GALNT13: variants seen among roughly 807,000 people sequenced by gnomAD.
The protein encoded by GALNT13 is UDP-GalNAc:polypeptide N-acetylgalactosaminyltransferase 13.
In GALNT13, 28 loss-of-function variants were observed where a neutral mutation model predicts 64.2. The observed-to-expected ratio is 0.44, with a 90% CI of 0.32 to 0.60. The LOEUF is 0.60. Ranked by LOEUF, GALNT13 falls within the 20% of genes least tolerant of loss-of-function variation. The pLI is 0.05. For missense variants in GALNT13, 577 were observed against 669.8 expected (o/e 0.86, Z 1.53); for synonymous variants, 214 against 224.6 (o/e 0.95, Z 0.42).
chr2:153,440,108 C>A, the GALNT13 span, among the ~76,000 whole-genome samples: 2 of 152,048 alleles, frequency 1.3e-5, no homozygotes, highest in African/African-American at 4.8e-5. Flanking sequence ...CCTAGCCCCC[C>A]ACCCCCAACA....
At chr2:153,475,483 T>C in the GALNT13 span, among the ~76,000 whole-genome samples, 5 of 152,196 alleles carry the variant, frequency 3.3e-5, no homozygotes, top group African/African-American at 1.2e-4. Context: ...AGGAAAGAGA[T>C]GTGAAGAAAT....
At chr2:153,793,563 C>T in the GALNT13 span, among the ~76,000 whole-genome samples, 7 of 151,812 alleles carry the variant, frequency 4.6e-5, no homozygotes, top group African/African-American at 1.5e-4. Context: ...TGTTCTCTCA[C>T]TTCTGAAATC....
the GALNT13 span, among the ~76,000 whole-genome samples, chr2:153,651,246 G>C: frequency 2.0e-5 from 3 of 152,154 alleles, no homozygotes; most frequent in Non-Finnish European, 4.4e-5. Context: ...CTAGAGAATT[G>C]ATAGGGACCA....
chr2:154,431,483 A>G (rs1700708331), intron 11 of GALNT13, among the ~76,000 whole-genome samples: 1 of 152,232 alleles, frequency 6.6e-6, no homozygotes, highest in Non-Finnish European at 1.5e-5. Flanking sequence ...TATAAAATTA[A>G]TTTAACAGAA....
the GALNT13 span, among the ~76,000 whole-genome samples, chr2:153,555,229 C>T: frequency 1.2e-5 from 1 of 85,464 alleles, no homozygotes; most frequent in African/African-American, 5.1e-5. Context: ...GAGTCTTGCT[C>T]TGTCACCCAG....
the GALNT13 span, among the ~76,000 whole-genome samples, chr2:153,407,086 A>C: frequency 1.3e-5 from 2 of 152,158 alleles, no homozygotes; most frequent in South Asian, 2.1e-4. Flanking sequence ...TTCTATTATC[A>C]GTGTTATTTT....
chr2:154,366,801 A>G (rs747942378), intron 9 of GALNT13, among the ~76,000 whole-genome samples: 1 of 152,196 alleles, frequency 6.6e-6, no homozygotes, highest in Non-Finnish European at 1.5e-5. Flanking sequence ...GGCGGAAAGT[A>G]TAGTTACACA....
chr2:153,622,220 A>T, the GALNT13 span, among the ~76,000 whole-genome samples: 1 of 152,238 alleles, frequency 6.6e-6, no homozygotes, highest in African/African-American at 2.4e-5. Flanking sequence ...TCTCTAACAC[A>T]CACACATACA....
intron 9 of GALNT13, among the ~76,000 whole-genome samples, chr2:154,354,142 G>C (rs965824997): frequency 5.9e-5 from 9 of 152,076 alleles, no homozygotes; most frequent in African/African-American, 2.2e-4. Context: ...GTTTTCATTT[G>C]CATATCCCTG....
intron 3 of GALNT13, among the ~76,000 whole-genome samples, chr2:154,099,491 C>G (rs1247856472): frequency 6.6e-6 from 1 of 152,002 alleles, no homozygotes; most frequent in Non-Finnish European, 1.5e-5. Flanking sequence ...AATTATTTAC[C>G]TAGTCCAACA....
chr2:153,654,418 T>C, the GALNT13 span, among the ~76,000 whole-genome samples: 2 of 152,076 alleles, frequency 1.3e-5, no homozygotes, highest in African/African-American at 2.4e-5. Flanking sequence ...GATAATGTCA[T>C]TGTGGTTATG....
the GALNT13 span, among the ~76,000 whole-genome samples, chr2:153,814,434 C>T: frequency 2.0e-5 from 3 of 150,160 alleles, no homozygotes; most frequent in Middle Eastern, 3.4e-3. Context: ...AGCGAGACTC[C>T]GTCTCAATAA....
chr2:153,449,382 T>A, the GALNT13 span, among the ~76,000 whole-genome samples: 2 of 152,268 alleles, frequency 1.3e-5, no homozygotes, highest in Admixed American at 6.5e-5. Flanking sequence ...TTCTCTTTCA[T>A]AACTCCAGTC....
intron 3 of GALNT13, among the ~76,000 whole-genome samples, chr2:154,033,225 T>G (rs2105310629): frequency 6.6e-6 from 1 of 152,110 alleles, no homozygotes; most frequent in East Asian, 1.9e-4. Flanking sequence ...CATGTAAAAC[T>G]TTTGAAGAAA....
intron 3 of GALNT13, among the ~76,000 whole-genome samples, chr2:153,991,800 CT>C (rs1313109524): frequency 6.6e-6 from 1 of 152,010 alleles, no homozygotes; most frequent in Non-Finnish European, 1.5e-5. Flanking sequence ...TTTTTAACAT[CT>C]ATTTATACTT....
At chr2:153,748,503 T>C in the GALNT13 span, among the ~76,000 whole-genome samples, 2 of 152,180 alleles carry the variant, frequency 1.3e-5, no homozygotes, top group Admixed American at 6.5e-5. Flanking sequence ...ATTATAGTTT[T>C]GATTTGCATT....
chr2:153,186,937 G>T, the GALNT13 span, among the ~76,000 whole-genome samples: 1 of 152,114 alleles, frequency 6.6e-6, no homozygotes, highest in South Asian at 2.1e-4. Flanking sequence ...AGGAGCTCTT[G>T]CAAGGCAAGC....
chr2:154,332,491 C>T (rs1695219962), intron 9 of GALNT13, among the ~76,000 whole-genome samples: 1 of 152,000 alleles, frequency 6.6e-6, no homozygotes, highest in Non-Finnish European at 1.5e-5. Context: ...CTATAAAGCC[C>T]TCCTGCATGG....
the GALNT13 span, among the ~76,000 whole-genome samples, chr2:153,619,956 C>G: frequency 6.6e-6 from 1 of 151,910 alleles, no homozygotes; most frequent in Non-Finnish European, 1.5e-5. Context: ...CTTGGTGTTC[C>G]ATAACCTTCT....
Sources: allele counts gnomAD v4.1 joint callset (sites outside exome capture counted in the v4.1 genomes callset), GRCh38; gene constraint gnomAD v4.1.1; transcripts MANE v1.5; gene names NCBI Gene and HGNC (gene_info 2026-07-23, HGNC 2026-07-21).